The following CDC42BPA variants were observed in gnomAD, a reference collection of about 807,000 sequenced individuals.
CDC42BPA encodes the protein serine/threonine-protein kinase MRCK alpha.
Under a neutral mutation model 223.5 loss-of-function variants are expected in CDC42BPA, and 80 were observed. The ratio of observed to expected loss-of-function variants is 0.36; its 90% CI spans 0.30 to 0.43. CDC42BPA has a LOEUF of 0.43. Among genes scored for constraint, CDC42BPA ranks in the 20% least tolerant of loss-of-function variants. The pLI, the probability that CDC42BPA is intolerant of heterozygous loss-of-function variation, is 1.00. For synonymous variants in CDC42BPA, 694 were observed against 718.6 expected, an observed-to-expected ratio of 0.97 and a Z score of 0.55; for missense variants, 1,743 against 2,099.9, an observed-to-expected ratio of 0.83 and a Z score of 3.32.
chr1:227,285,569 G>A (rs1688677078), intron 1 of CDC42BPA, among the ~76,000 whole-genome samples: 1 of 152,134 alleles, frequency 6.6e-6, no homozygotes, highest in Non-Finnish European at 1.5e-5. Flanking sequence ...AGGTCACAAT[G>A]AAGGACTGTC....
In CDC42BPA at chr1:227,148,343, C is replaced by G. The variant is rs535628539; in HGVS notation, c.694-784G>C. ...GGTAACTAGAAAAATCCTGGGTATG[C>G]ATGTTGTAAGGTACTTTGAAGTAAA... On this transcript the variant is annotated intron_variant, in intron 6 of 36. Coordinates refer to ENST00000366766, the MANE Select transcript of CDC42BPA (RefSeq NM_001394014.1). Among the ~76,000 whole-genome samples, 138 of 152,046 alleles carry G rather than the reference C, an allele frequency of 9.1e-4. 3 individuals are homozygous for G. The highest frequency in any genetic ancestry group is 7.9e-4 in the Admixed American group (12 of 15,272).
chr1:227,145,228 G>A (rs547861411), intron 8 of CDC42BPA, among the ~76,000 whole-genome samples: 3 of 152,104 alleles, frequency 2.0e-5, no homozygotes, highest in East Asian at 1.9e-4. Flanking sequence ...GTTCTCTTAC[G>A]AAGCTTAATG....
At chr1:227,188,754 A>G (rs1335751554) in intron 5 of CDC42BPA, among the ~76,000 whole-genome samples, 1 of 152,236 alleles carries the variant, frequency 6.6e-6, no homozygotes, top group Non-Finnish European at 1.5e-5. Context: ...ATTATTCCGC[A>G]TAATACTATT....
chr1:227,290,772 A>T (rs1170434308), intron 1 of CDC42BPA, among the ~76,000 whole-genome samples: 1 of 152,224 alleles, frequency 6.6e-6, no homozygotes, highest in Non-Finnish European at 1.5e-5. Flanking sequence ...TCTTACACAC[A>T]GTAACACTGG....
At chr1:227,265,425 A>T (rs1270356109) in intron 1 of CDC42BPA, among the ~76,000 whole-genome samples, 1 of 152,098 alleles carries the variant, frequency 6.6e-6, no homozygotes. Flanking sequence ...TTCAAAAATT[A>T]GGCCGGGCAC....
At chr1:227,128,442 A>G (rs1301588216) in intron 11 of CDC42BPA, among the ~76,000 whole-genome samples, 1 of 152,116 alleles carries the variant, frequency 6.6e-6, no homozygotes, top group Non-Finnish European at 1.5e-5. Flanking sequence ...ACAAAGTTAT[A>G]TATTTACTGG....
intron 2 of CDC42BPA, among the ~76,000 whole-genome samples, chr1:227,238,717 A>T (rs1195253537): frequency 2.0e-5 from 3 of 152,250 alleles, no homozygotes; most frequent in African/African-American, 7.2e-5. Flanking sequence ...GAGGCAAATC[A>T]GACTATGACA....
At chr1:227,135,626 G>A (rs535967839) in intron 10 of CDC42BPA, among the ~76,000 whole-genome samples, 49 of 152,084 alleles carry the variant, frequency 3.2e-4, no homozygotes, top group Admixed American at 1.6e-3. Context: ...AGGCTGAGAC[G>A]GGCGGATCAC....
chr1:227,284,113 G>T (rs2148596926), intron 1 of CDC42BPA, among the ~76,000 whole-genome samples: 1 of 152,198 alleles, frequency 6.6e-6, no homozygotes, highest in African/African-American at 2.4e-5. Context: ...AATAACTAAT[G>T]AATAAACCAT....
At chr1:227,078,591 G>A (rs958723602) in intron 17 of CDC42BPA, among the ~76,000 whole-genome samples, 2 of 152,140 alleles carry the variant, frequency 1.3e-5, no homozygotes, top group African/African-American at 4.8e-5. Flanking sequence ...TCTAACGGCG[G>A]TGAGAAGATG....
intron 11 of CDC42BPA, among the ~76,000 whole-genome samples, chr1:227,124,856 A>G (rs1230008392): frequency 6.6e-6 from 1 of 152,160 alleles, no homozygotes; most frequent in African/African-American, 2.4e-5. Context: ...TCTGGGAAGA[A>G]GGAATAGATA....
chr1:227,308,326 T>C lies in CDC42BPA; in HGVS notation c.178+8679A>G, dbSNP rs544278096. 3.9e-5 allele frequency among the ~76,000 whole-genome samples: 6 copies of C among 151,926 alleles called. No homozygotes were observed. The East Asian group carries it at 1.2e-3, about 29-fold the overall frequency. On this transcript the variant is annotated intron_variant, in intron 1 of 36. Coordinates refer to ENST00000366766, the MANE Select transcript of CDC42BPA (RefSeq NM_001394014.1). ...TTCAAGATGAACCTGGGCAACATGGTGAAACCTTGTGTCTACTAAAATACA... is the reference window on the plus strand; with the variant it reads ...TTCAAGATGAACCTGGGCAACATGGCGAAACCTTGTGTCTACTAAAATACA...
intron 1 of CDC42BPA, among the ~76,000 whole-genome samples, chr1:227,311,888 T>G (rs112815683): frequency 1.3e-5 from 2 of 149,752 alleles, no homozygotes; most frequent in African/African-American, 4.9e-5. Context: ...ATCTTGCCCA[T>G]ACCTTACACT....
chr1:227,078,325 A>G (rs1043336628), intron 17 of CDC42BPA, among the ~76,000 whole-genome samples: 17 of 152,288 alleles, frequency 1.1e-4, no homozygotes, highest in South Asian at 6.2e-4. Context: ...TTTAAGTCTC[A>G]TAAGTTATCT....
intron 2 of CDC42BPA, among the ~76,000 whole-genome samples, chr1:227,245,000 C>G (rs930012462): frequency 2.6e-5 from 4 of 152,220 alleles, no homozygotes; most frequent in Admixed American, 1.3e-4. Context: ...TCACCCATCC[C>G]AGCAAGTCAG....
At chr1:227,148,772 C>CAAAAAAGAAAAAAA (rs1187846598) in intron 6 of CDC42BPA, among the ~76,000 whole-genome samples, 7 of 78,786 alleles carry the variant, frequency 8.9e-5, no homozygotes, top group Non-Finnish European at 1.3e-4. Context: ...GTCTCAAAAG[C>CAAAAAAGAAAAAAA]AAAAAAAAAA....
At chr1:227,245,042 G>A (rs947363682) in intron 2 of CDC42BPA, among the ~76,000 whole-genome samples, 1 of 152,160 alleles carries the variant, frequency 6.6e-6, no homozygotes, top group Admixed American at 6.5e-5. Flanking sequence ...CACCACTGCA[G>A]GCTGAAGTGC....
At chr1:227,085,353 G>A (rs771387068) in intron 16 of CDC42BPA, among the ~76,000 whole-genome samples, 3 of 152,140 alleles carry the variant, frequency 2.0e-5, no homozygotes, top group African/African-American at 7.2e-5. Context: ...TCACATCATC[G>A]TCATCTTCTT....
At chr1:227,092,403 C>T (rs1683244367) in intron 15 of CDC42BPA, among the ~76,000 whole-genome samples, 1 of 152,120 alleles carries the variant, frequency 6.6e-6, no homozygotes, top group Non-Finnish European at 1.5e-5. Context: ...AGGGTGGCTA[C>T]TTTAGATTAT....
Sources: allele counts gnomAD v4.1 joint callset (sites outside exome capture counted in the v4.1 genomes callset), GRCh38; gene constraint gnomAD v4.1.1; transcripts MANE v1.5; gene names NCBI Gene and HGNC (gene_info 2026-07-23, HGNC 2026-07-21).